The following SYNPR variants were observed in gnomAD, a reference collection of about 807,000 sequenced individuals.
SYNPR encodes synaptoporin.
SYNPR carries 23 observed loss-of-function variants against 32.9 expected under a neutral mutation model. The observed-to-expected ratio is 0.70, with a 90% confidence interval of 0.50 to 0.99. The LOEUF is 0.99. Among genes scored for constraint, SYNPR ranks in the 50% least tolerant of loss-of-function variants. The pLI is 0.00. For missense variants in SYNPR, 318 were observed against 349.3 expected (o/e 0.91, Z 0.71); for synonymous variants, 146 against 135.9 (o/e 1.07, Z -0.52).
chr3:63,391,351 T>A (rs2088135049), intron 2 of SYNPR, among the ~76,000 whole-genome samples: 1 of 152,342 alleles, frequency 6.6e-6, no homozygotes, highest in East Asian at 1.9e-4. Flanking sequence ...GATGTTCGTA[T>A]CTTAGTCAAG....
chr3:63,479,393 C>T (rs1015440015), intron 2 of SYNPR, among the ~76,000 whole-genome samples: 3 of 151,618 alleles, frequency 2.0e-5, no homozygotes, highest in African/African-American at 7.3e-5. Context: ...AAGTTCTTTC[C>T]ATTTTAAAAA....
chr3:63,451,723 C>T (rs1700383084), intron 2 of SYNPR, among the ~76,000 whole-genome samples: 1 of 152,124 alleles, frequency 6.6e-6, no homozygotes, highest in Non-Finnish European at 1.5e-5. Flanking sequence ...TAATTTTCTC[C>T]CCAAGTACAG....
At chr3:63,297,106 G>T (rs1231906772) in intron 2 of SYNPR, among the ~76,000 whole-genome samples, 1 of 152,198 alleles carries the variant, frequency 6.6e-6, no homozygotes, top group Non-Finnish European at 1.5e-5. Flanking sequence ...TTTTCAAGGG[G>T]AATGTGCTAA....
In SYNPR at chr3:63,278,560, G is replaced by A. The variant is rs2086597779; in HGVS notation, c.18+9G>A. The A allele has an allele frequency of 5.2e-6, 8 of 1,551,100 alleles. No homozygotes were observed. Among genetic ancestry groups the A allele is most frequent in the Non-Finnish European group, 7.0e-6 (8 of 1,146,558 alleles). ...TGGACCCTGTGAGTCAGGTGAGACAGAACTGGGCAGGGCGGCTGGCTGGGA... is the reference window on the plus strand; with the variant it reads ...TGGACCCTGTGAGTCAGGTGAGACAAAACTGGGCAGGGCGGCTGGCTGGGA... On this transcript the variant is annotated intron_variant, in intron 1 of 5. Coordinates refer to ENST00000478300, the MANE Select transcript of SYNPR (RefSeq NM_001130003.2).
At chr3:63,340,139 C>A (rs2087346181) in intron 2 of SYNPR, among the ~76,000 whole-genome samples, 1 of 151,984 alleles carries the variant, frequency 6.6e-6, no homozygotes, top group Non-Finnish European at 1.5e-5. Flanking sequence ...CAGATCTATC[C>A]AAGTTATTTT....
chr3:63,485,309 G>T (rs1289866305), intron 3 of SYNPR, among the ~76,000 whole-genome samples: 2 of 152,184 alleles, frequency 1.3e-5, no homozygotes. Flanking sequence ...AGGTTTTTCA[G>T]AAGGTAAGAA....
rs563654130 is a variant in SYNPR at position 63,497,992 on chromosome 3, GAA to G, written c.209+17043_209+17044del. On this transcript the variant is annotated intron_variant, in intron 3 of 5. Transcript: ENST00000478300. ...TTTAGAAGAGAAATACAGGGAGTAA[GAA>G]AAAAAAGTACACTCAGCTCTTCTTT... Among the ~76,000 whole-genome samples the G allele has an allele frequency of 2.0e-3, 304 of 151,806 alleles. 1 individual carries two copies. The highest frequency in any genetic ancestry group is 5.2e-3 in the Admixed American group (79 of 15,248).
chr3:63,498,707 A>C (rs914246532), intron 3 of SYNPR, among the ~76,000 whole-genome samples: 5 of 152,082 alleles, frequency 3.3e-5, no homozygotes, highest in Non-Finnish European at 7.4e-5. Flanking sequence ...ACAGTGCGTA[A>C]GTGCAGAGTG....
At chr3:63,582,862 A>C (rs778204795) in intron 4 of SYNPR, among the ~76,000 whole-genome samples, 1 of 152,082 alleles carries the variant, frequency 6.6e-6, no homozygotes, top group Non-Finnish European at 1.5e-5. Flanking sequence ...TGATGATAAT[A>C]ATAGTACCTA....
At chr3:63,561,079 A>C (rs1702680225) in intron 4 of SYNPR, among the ~76,000 whole-genome samples, 2 of 152,230 alleles carry the variant, frequency 1.3e-5, no homozygotes, top group Admixed American at 1.3e-4. Flanking sequence ...AGGTGAACAT[A>C]AACTAATTCA....
chr3:63,488,837 G>A (rs563514288), intron 3 of SYNPR, among the ~76,000 whole-genome samples: 10 of 152,032 alleles, frequency 6.6e-5, no homozygotes, highest in Non-Finnish European at 1.5e-5. Flanking sequence ...CACAGAAAAT[G>A]ATCCAAATAT....
chr3:63,432,820 G>A (rs758739483), intron 2 of SYNPR, among the ~76,000 whole-genome samples: 2 of 152,186 alleles, frequency 1.3e-5, no homozygotes, highest in African/African-American at 4.8e-5. Context: ...GACAAGTTAT[G>A]GTGGCCTTCT....
intron 2 of SYNPR, among the ~76,000 whole-genome samples, chr3:63,463,007 C>T (rs1486690680): frequency 6.6e-6 from 1 of 152,172 alleles, no homozygotes; most frequent in Non-Finnish European, 1.5e-5. Context: ...CACAATTCAG[C>T]TGCCACTGAT....
At chr3:63,348,160 G>T (rs554003062) in intron 2 of SYNPR, among the ~76,000 whole-genome samples, 1 of 152,072 alleles carries the variant, frequency 6.6e-6, no homozygotes, top group Admixed American at 6.6e-5. Context: ...CATTGTATGT[G>T]GTCCCTTTTT....
At chr3:63,556,427 G>T in intron 3 of SYNPR, 116 bp from the exon 4 acceptor site, 1 of 772,198 alleles carries the variant, frequency 1.3e-6, no homozygotes, top group Non-Finnish European at 2.1e-6. Flanking sequence ...TGTTACATAG[G>T]CATGCACTAA....
intron 2 of SYNPR, among the ~76,000 whole-genome samples, chr3:63,447,169 T>C (rs961854864): frequency 6.6e-6 from 1 of 152,230 alleles, no homozygotes; most frequent in African/African-American, 2.4e-5. Context: ...CGAAAACTTT[T>C]ACTTTAATAA....
intron 3 of SYNPR, among the ~76,000 whole-genome samples, chr3:63,268,247 G>C (rs968358082): frequency 6.6e-6 from 1 of 152,196 alleles, no homozygotes. Context: ...TTATGTTGTG[G>C]ATAGCTGATC....
At chr3:63,393,681 G>A (rs752588944) in intron 2 of SYNPR, among the ~76,000 whole-genome samples, 36 of 151,504 alleles carry the variant, frequency 2.4e-4, no homozygotes, top group Non-Finnish European at 3.4e-4. Flanking sequence ...TTGTTTGTTT[G>A]TTTTGTTTTG....
At chr3:63,244,375 A>G (rs537365482) in intron 1 of SYNPR, among the ~76,000 whole-genome samples, 94 of 152,228 alleles carry the variant, frequency 6.2e-4, no homozygotes, top group African/African-American at 2.0e-3. Flanking sequence ...GTTTCCTGCA[A>G]TACACAACCA....
Sources: allele counts gnomAD v4.1 joint callset (sites outside exome capture counted in the v4.1 genomes callset), GRCh38; gene constraint gnomAD v4.1.1; transcripts MANE v1.5; gene names NCBI Gene and HGNC (gene_info 2026-07-23, HGNC 2026-07-21).